Variants in FNDC3A observed in about 807,000 individuals in gnomAD.
FNDC3A encodes the protein fibronectin type-III domain-containing protein 3A.
A neutral mutation model predicts 148.9 loss-of-function variants in FNDC3A; 32 were observed. The observed-to-expected ratio is 0.21, with a 90% CI of 0.16 to 0.29. The LOEUF (loss-of-function observed/expected upper bound fraction) is 0.29, where lower values mean the gene tolerates loss of function less well. FNDC3A is among the 10% of genes least tolerant of loss of function. FNDC3A has a pLI of 1.00. For missense variants in FNDC3A, 1,191 were observed against 1,452.8 expected, an observed-to-expected ratio of 0.82 and a Z score of 2.93; for synonymous variants, 472 against 473.6, an observed-to-expected ratio of 1.00 and a Z score of 0.04.
chr13:49,115,187 G>C (rs908655412), intron 4 of FNDC3A, among the ~76,000 whole-genome samples: 8 of 125,514 alleles, frequency 6.4e-5, no homozygotes, highest in East Asian at 6.2e-4. Flanking sequence ...GGGATGAGGG[G>C]GGGGGGGAAA....
In FNDC3A at chr13:49,006,248, C is replaced by T. The variant is rs372893646; in HGVS notation, c.58C>T (p.Leu20Phe). ...TCAGATCTTAAGTAGTGATATTTCT[C>T]TTTTGTCTGCCCCTATTGTAAGTGC... is the stretch of plus-strand genomic sequence containing the variant. ...TTQILSSDIS[L>F]LSAPIVSADG... Residue 20 changes from leucine to phenylalanine, a missense_variant, in exon 2 of 26, where the codon CTT becomes TTT. Transcript: ENST00000492622. 5.1e-5 allele frequency: 82 copies of T among 1,609,598 alleles called. No homozygotes were observed. Among genetic ancestry groups the T allele is most frequent in the Non-Finnish European group, 7.0e-5 (82 of 1,176,686 alleles).
intron 2 of FNDC3A, among the ~76,000 whole-genome samples, chr13:49,029,883 C>A (rs1191609453): frequency 6.6e-6 from 1 of 152,120 alleles, no homozygotes; most frequent in African/African-American, 2.4e-5. Context: ...TCTAGAAAGA[C>A]ACAAAACAAC....
At chr13:49,092,479 A>G (rs1879251643) in intron 3 of FNDC3A, among the ~76,000 whole-genome samples, 1 of 152,162 alleles carries the variant, frequency 6.6e-6, no homozygotes, top group South Asian at 2.1e-4. Context: ...GCCCATCCAG[A>G]TTAAGGTTAG....
At chr13:49,138,866 C>A in intron 7 of FNDC3A, 61 bp downstream of exon 7, 4 of 899,286 alleles carry the variant, frequency 4.4e-6, no homozygotes, top group Non-Finnish European at 6.8e-6. Flanking sequence ...AGATGTTCAT[C>A]CATCAAAATG....
In FNDC3A at chr13:49,070,121, A is replaced by T. The variant is rs541258593; in HGVS notation, c.100-5168A>T. Among the ~76,000 whole-genome samples the T allele has an allele frequency of 2.0e-4, 31 of 152,204 alleles. No homozygotes were observed. The East Asian group carries it at 2.7e-3, about 13-fold the overall frequency. ...CAAGCCACATAAGTAGTGTTTTTTT[A>T]AAATTTATTTTTATTTATTTATTTT... is the stretch of plus-strand genomic sequence containing the variant. On this transcript the variant is annotated intron_variant, in intron 2 of 25. Transcript: ENST00000492622.
chr13:48,995,179 T>C (rs1952000851), intron 1 of FNDC3A, among the ~76,000 whole-genome samples: 1 of 152,194 alleles, frequency 6.6e-6, no homozygotes, highest in Non-Finnish European at 1.5e-5. Context: ...CTTCTTAAAG[T>C]GCTGAGATTA....
chr13:49,165,018 T>C (rs1237341182), intron 8 of FNDC3A, among the ~76,000 whole-genome samples: 1 of 152,222 alleles, frequency 6.6e-6, no homozygotes, highest in South Asian at 2.1e-4. Context: ...TTCTGTTTGG[T>C]TCTTTCTTAT....
At chr13:49,065,723 A>T (rs773793210) in intron 2 of FNDC3A, among the ~76,000 whole-genome samples, 1 of 152,184 alleles carries the variant, frequency 6.6e-6, no homozygotes, top group Non-Finnish European at 1.5e-5. Flanking sequence ...TGGTTTCTGG[A>T]TTTGAAAAGG....
chr13:49,132,285 A>T (rs1199807326), intron 5 of FNDC3A, among the ~76,000 whole-genome samples: 3 of 152,174 alleles, frequency 2.0e-5, no homozygotes, highest in Non-Finnish European at 4.4e-5. Flanking sequence ...TCTCAGCCAC[A>T]GTAATTATTT....
chr13:49,120,886 A>G lies in FNDC3A; in HGVS notation c.252+6155A>G, dbSNP rs577592531. On this transcript the variant is annotated intron_variant, in intron 4 of 25. Coordinates refer to ENST00000492622, the MANE Select transcript of FNDC3A (RefSeq NM_001079673.2). ...TACAAACAGACTTAGACTCCCACAC[A>G]ATAATAATGGGTAATAATAATTAAC... Among the ~76,000 whole-genome samples, 3 of 152,302 alleles carry G rather than the reference A, an allele frequency of 2.0e-5. No individual in the cohort carries two copies. The East Asian group carries it at 5.8e-4, about 29-fold the overall frequency.
intron 10 of FNDC3A, among the ~76,000 whole-genome samples, chr13:49,171,531 C>G (rs897586011): frequency 1.3e-5 from 2 of 152,110 alleles, no homozygotes; most frequent in African/African-American, 4.8e-5. Context: ...CATACTTTTA[C>G]ACCTAAAATA....
intron 2 of FNDC3A, among the ~76,000 whole-genome samples, chr13:49,058,389 C>T (rs1876413412): frequency 6.6e-6 from 1 of 152,086 alleles, no homozygotes. Context: ...GGGTGTGGTG[C>T]AGGGCTGTCT....
chr13:48,977,662 T>G (rs1951627141), intron 1 of FNDC3A, among the ~76,000 whole-genome samples: 1 of 152,240 alleles, frequency 6.6e-6, no homozygotes, highest in Admixed American at 6.5e-5. Context: ...CCACATCTTT[T>G]ATGAAATATA....
intron 1 of FNDC3A, among the ~76,000 whole-genome samples, chr13:48,982,849 T>C (rs934264015): frequency 1.3e-5 from 2 of 152,200 alleles, no homozygotes; most frequent in East Asian, 1.9e-4. Context: ...CTACTTTACC[T>C]GTATGAGCCT....
chr13:48,993,469 C>G (rs1566178606), intron 1 of FNDC3A, among the ~76,000 whole-genome samples: 1 of 152,112 alleles, frequency 6.6e-6, no homozygotes, highest in African/African-American at 2.4e-5. Context: ...TTCTTAGATA[C>G]TTATAGTAGT....
intron 3 of FNDC3A, among the ~76,000 whole-genome samples, chr13:49,105,797 T>C (rs1449102109): frequency 6.6e-6 from 1 of 152,106 alleles, no homozygotes; most frequent in Non-Finnish European, 1.5e-5. Context: ...GATCATAGAG[T>C]ATGCATATGT....
At position 49,160,427 on chromosome 13, in the gene FNDC3A, T is replaced by G. The variant is rs567743734; in HGVS notation, c.978-6817T>G. Among the ~76,000 whole-genome samples, 20 of 152,342 alleles carry G rather than the reference T, an allele frequency of 1.3e-4. No individual in the cohort carries two copies. The East Asian group carries it at 1.5e-3, about 12-fold the overall frequency. On this transcript the variant is annotated intron_variant, in intron 8 of 25. Transcript: ENST00000492622. ...GCATAGAGGTGTTTATAGTATTCTC[T>G]GATGGTAGTTTGTATTTCTGTGGGA...
intron 17 of FNDC3A, 96 bp from the exon 18 acceptor site, chr13:49,190,919 G>T: frequency 1.4e-6 from 1 of 719,976 alleles, no homozygotes; most frequent in Non-Finnish European, 2.3e-6. Context: ...AATTATCAGT[G>T]CAATATTTGT....
chr13:49,151,423 T>G (rs951603111), intron 8 of FNDC3A, among the ~76,000 whole-genome samples: 10 of 152,228 alleles, frequency 6.6e-5, no homozygotes, highest in Non-Finnish European at 1.2e-4. Flanking sequence ...TCTGTTTGCA[T>G]GGATTATCGT....
Sources: allele counts gnomAD v4.1 joint callset (sites outside exome capture counted in the v4.1 genomes callset), GRCh38; gene constraint gnomAD v4.1.1; transcripts MANE v1.5; gene names NCBI Gene and HGNC (gene_info 2026-07-23, HGNC 2026-07-21).